LBR: variants seen among roughly 807,000 people sequenced by gnomAD.
The protein encoded by LBR is delta(14)-sterol reductase LBR.
LBR carries 28 observed loss-of-function variants against 74.3 expected under a neutral mutation model. The ratio of observed to expected loss-of-function variants is 0.38; its 90% CI spans 0.28 to 0.52. The LOEUF (loss-of-function observed/expected upper bound fraction) is 0.52, where lower values mean the gene tolerates loss of function less well. Ranked by LOEUF, LBR falls within the 20% of genes least tolerant of loss-of-function variation. The pLI is 0.89. For missense variants in LBR, 717 were observed against 760.3 expected (o/e 0.94, Z 0.67); for synonymous variants, 228 against 269.3 (o/e 0.85, Z 1.50).
intron 2 of LBR, 25 bp from the exon 3 acceptor site, chr1:225,422,302 A>G (rs890056695): frequency 3.2e-6 from 5 of 1,585,324 alleles, no homozygotes; most frequent in Admixed American, 3.4e-5. Flanking sequence ...GAAGGCAAAG[A>G]GCTTTACCAC....
At chr1:225,419,638 C>G (rs1180512159) in intron 4 of LBR, 77 bp downstream of exon 4, 1 of 1,112,052 alleles carries the variant, frequency 9.0e-7, no homozygotes, top group Non-Finnish European at 1.3e-6. Context: ...TTTCAATGTG[C>G]TTCTCAAGGG....
intron 7 of LBR, 50 bp from the exon 8 acceptor site, chr1:225,412,695 C>T: frequency 6.6e-7 from 1 of 1,509,532 alleles, no homozygotes; most frequent in Non-Finnish European, 9.0e-7. Context: ...TAACCCAAGG[C>T]TCACATGAAA....
intron 1 of LBR, among the ~76,000 whole-genome samples, chr1:225,424,915 G>A (rs774751973): frequency 6.6e-5 from 10 of 152,256 alleles, no homozygotes; most frequent in South Asian, 2.1e-4. Flanking sequence ...CCGCTCCATC[G>A]GCTGACCAGC....
chr1:225,409,042 G>A (rs564748561), intron 10 of LBR, among the ~76,000 whole-genome samples: 4 of 152,180 alleles, frequency 2.6e-5, no homozygotes, highest in Non-Finnish European at 4.4e-5. Context: ...CTCTTTTGGC[G>A]ATTCATTCTA....
At chr1:225,408,641 T>C (rs2096097558) in intron 10 of LBR, among the ~76,000 whole-genome samples, 1 of 152,270 alleles carries the variant, frequency 6.6e-6, no homozygotes, top group South Asian at 2.1e-4. Context: ...CCCAGTGGCA[T>C]GCCAGAATGC....
At chr1:225,419,538 A>T (rs1001768758) in intron 4 of LBR, 86 bp from the exon 5 acceptor site, 2 of 1,009,216 alleles carry the variant, frequency 2.0e-6, no homozygotes, top group Non-Finnish European at 3.1e-6. Flanking sequence ...ATCTCAATAC[A>T]GCTATACACT....
In LBR at chr1:225,424,053, T is replaced by C. The variant is rs2096134152; in HGVS notation, c.23A>G (p.Asp8Gly). Residue 8 changes from aspartate to glycine, a missense_variant, in exon 2 of 14, where the codon GAT becomes GGT. Transcript: ENST00000272163. Reference protein sequence around the residue: MPSRKFADGEVVRGRWPG... With the variant: MPSRKFAGGEVVRGRWPG... ...CCATCGACCTCTTACCACTTCACCA[T>C]CGGCAAATTTCCTACTTGGCATTTT... The C allele has an allele frequency of 1.2e-6, 2 of 1,614,062 alleles. No individual in the cohort carries two copies. The highest frequency in any genetic ancestry group is 8.5e-7 in the Non-Finnish European group (1 of 1,180,032).
chr1:225,412,534 A>T lies in LBR; in HGVS notation c.1004T>A (p.Val335Asp). The T allele has an allele frequency of 6.2e-7, 1 of 1,614,162 alleles. No homozygotes were observed. The highest frequency in any genetic ancestry group is 8.5e-7 in the Non-Finnish European group (1 of 1,180,030). ...HFLQFALAATVFCVVLSVYLY... is the reference protein window; with the variant it reads ...HFLQFALAATDFCVVLSVYLY... The stretch of plus-strand genomic sequence containing the variant: ...ATACACACTCAAGACCACACAAAAA[A>T]CAGTGGCCGCAAGTGCAAACTGAAG... The change falls in exon 8 of 14, where the codon GTT becomes GAT. Residue 335 changes from valine (V) to aspartate (D), a missense_variant. Physicochemically the swap from Val to Asp is radical, Grantham distance 152. Transcript: ENST00000272163.
At position 225,411,366 on chromosome 1, in the gene LBR, A is replaced by C. The variant is rs1444402654; in HGVS notation, c.1159T>G (p.Cys387Gly). Residue 387 changes from cysteine (C) to glycine (G), a missense_variant, in exon 9 of 14, where the codon TGT becomes GGT. Cys to Gly is a radical substitution (Grantham distance 159). Transcript: ENST00000272163. ...CCAATCAATCCGGGGCGCAATTCAC[A>C]AAAGTATTTGAGATCAAAAGTACCA... ...RIGTFDLKYF[C>G]ELRPGLIGWV... 6.2e-7 allele frequency: 1 copy of C among 1,614,076 alleles called. No homozygotes were observed. The highest frequency in any genetic ancestry group is 8.5e-7 in the Non-Finnish European group (1 of 1,179,890).
intron 1 of LBR, among the ~76,000 whole-genome samples, 193 bp from the exon 2 acceptor site, chr1:225,424,282 A>AATCTAT (rs1366194058): frequency 2.0e-5 from 3 of 152,070 alleles, no homozygotes; most frequent in African/African-American, 7.2e-5. Flanking sequence ...TCTATGTGAC[A>AATCTAT]CTAAAGATTA....
intron 7 of LBR, among the ~76,000 whole-genome samples, chr1:225,413,577 C>T (rs1022150392): frequency 1.3e-5 from 2 of 152,134 alleles, no homozygotes; most frequent in Admixed American, 6.5e-5. Context: ...TATCTGAATC[C>T]ACATTTTCCA....
chr1:225,419,500 T>C (rs779962037), intron 4 of LBR, 48 bp from the exon 5 acceptor site: 28 of 1,287,468 alleles, frequency 2.2e-5, no homozygotes, highest in Non-Finnish European at 2.9e-5. Flanking sequence ...ACAATTACCA[T>C]TAATGCTACT....
At chr1:225,407,348 T>C (rs534066236) in intron 10 of LBR, among the ~76,000 whole-genome samples, 47 of 152,312 alleles carry the variant, frequency 3.1e-4, no homozygotes, top group Middle Eastern at 6.8e-3. Context: ...GTGTTCAAAA[T>C]ATGCTTGCTG....
intron 2 of LBR, among the ~76,000 whole-genome samples, chr1:225,423,169 A>G (rs1473162722): frequency 1.3e-5 from 2 of 152,236 alleles, no homozygotes; most frequent in African/African-American, 2.4e-5. Flanking sequence ...TCTCATATCT[A>G]TCGAATCTGA....
intron 7 of LBR, among the ~76,000 whole-genome samples, chr1:225,414,922 A>C (rs896966308): frequency 8.5e-5 from 13 of 152,254 alleles, no homozygotes; most frequent in Non-Finnish European, 1.9e-4. Context: ...TTCAAGGGAC[A>C]ACCCAGAGGA....
intron 1 of LBR, 53 bp from the exon 2 acceptor site, chr1:225,424,142 T>C (rs1207637888): frequency 2.2e-6 from 3 of 1,371,068 alleles, no homozygotes; most frequent in Non-Finnish European, 2.1e-6. Context: ...ATTTATGTAT[T>C]CGTCTTTTTC....
At position 225,402,542 on chromosome 1, in the gene LBR, A is replaced by C. The variant is rs925387243; in HGVS notation, c.*761T>G. ...AGTGAATGAATTCTAATTGTTCCAAAATTTTTAATTCACATTACTTTACAA... is the reference window on the plus strand; with the variant it reads ...AGTGAATGAATTCTAATTGTTCCAACATTTTTAATTCACATTACTTTACAA... On this transcript the variant is annotated 3_prime_UTR_variant, in exon 14 of 14. Transcript: ENST00000272163. 8 of 152,606 alleles carry C rather than the reference A, an allele frequency of 5.2e-5. No individual in the cohort carries two copies. Among genetic ancestry groups the C allele is most frequent in the Non-Finnish European group, 1.2e-4 (8 of 68,018 alleles). 9.5% of individuals were successfully genotyped at this position (152,606 alleles called of 1,614,324 possible).
chr1:225,403,309 G>C lies in LBR; in HGVS notation c.1842C>G (p.Ile614Met). The change falls in exon 14 of 14, where the codon ATC (isoleucine) becomes ATG (methionine). Residue 614 changes from isoleucine to methionine, a missense_variant. By Grantham distance (10) the Ile-to-Met change is conservative (BLOSUM62 1). Coordinates refer to ENST00000272163, the MANE Select transcript of LBR (RefSeq NM_002296.4). The stretch of plus-strand genomic sequence containing the variant: ...TAGAAAAGCCAGAAGAGCATTAGTA[G>C]ATGTATGGAAATATACGGTAGGGCA... ...QRVPYRIFPY[I>M]Y The C allele has an allele frequency of 6.2e-7, 1 of 1,613,722 alleles. No homozygotes were observed. Among genetic ancestry groups the C allele is most frequent in the Non-Finnish European group, 8.5e-7 (1 of 1,179,794 alleles).
intron 4 of LBR, 42 bp downstream of exon 4, chr1:225,419,673 G>GAAA: frequency 4.4e-6 from 5 of 1,137,154 alleles, no homozygotes; most frequent in Non-Finnish European, 4.9e-6. Context: ...CCAAAAAAAA[G>GAAA]AAAAAAAAAA....
Sources: allele counts gnomAD v4.1 joint callset (sites outside exome capture counted in the v4.1 genomes callset), GRCh38; gene constraint gnomAD v4.1.1; transcripts MANE v1.5; gene names NCBI Gene and HGNC (gene_info 2026-07-23, HGNC 2026-07-21).